The following PEX5L variants were observed in gnomAD, a reference collection of about 807,000 sequenced individuals.
PEX5L encodes the protein peroxisomal biogenesis factor 5 like, also known as PEX5-related protein.
In PEX5L, 30 loss-of-function variants were observed where a neutral mutation model predicts 84.0. The ratio of observed to expected loss-of-function variants is 0.36; its 90% CI spans 0.27 to 0.48. PEX5L has a LOEUF of 0.48. Among genes scored for constraint, PEX5L ranks in the 20% least tolerant of loss-of-function variants. The pLI, the probability that PEX5L is intolerant of heterozygous loss-of-function variation, is 0.99. For missense variants in PEX5L, 533 were observed against 754.6 expected (o/e 0.71, Z 3.44); for synonymous variants, 270 against 283.1 (o/e 0.95, Z 0.46).
rs1024479350 is a variant in PEX5L, at chr3:180,034,274, A to G, written c.21+2305T>C. 3.3e-5 allele frequency among the ~76,000 whole-genome samples: 5 copies of G among 152,218 alleles called. No individual in the cohort carries two copies. In the East Asian group the frequency reaches 9.6e-4, roughly 29 times the overall value. On this transcript the variant is annotated intron_variant, in intron 1 of 14. Coordinates refer to ENST00000467460, the MANE Select transcript of PEX5L (RefSeq NM_016559.3). ...TGTTTTAAGGTATCAGTCAAGTAAC[A>G]TTATGTTTCAAATTAACTCCAAAGC...
At position 179,980,159 on chromosome 3, in the gene PEX5L, A is replaced by G. The variant is rs527897267; in HGVS notation, c.22-8494T>C. Among the ~76,000 whole-genome samples the G allele has an allele frequency of 1.6e-3, 239 of 152,288 alleles. 2 individuals are homozygous for G. Among genetic ancestry groups the G allele is most frequent in the Middle Eastern group, 6.8e-3 (2 of 294 alleles). On this transcript the variant is annotated intron_variant, in intron 1 of 14. Transcript: ENST00000467460. ...ACACATGCTTGAGAAAAATTTGCCTATGAAATTTTGTTTCTGACAAGAATC... is the reference window on the plus strand; with the variant it reads ...ACACATGCTTGAGAAAAATTTGCCTGTGAAATTTTGTTTCTGACAAGAATC...
At chr3:179,817,072 T>C (rs1188861058) in intron 9 of PEX5L, among the ~76,000 whole-genome samples, 1 of 152,214 alleles carries the variant, frequency 6.6e-6, no homozygotes, top group Non-Finnish European at 1.5e-5. Context: ...TATATCTGTT[T>C]ACCTACTAGG....
At chr3:179,900,298 CTAT>C (rs1203475421) in intron 2 of PEX5L, among the ~76,000 whole-genome samples, 1 of 152,006 alleles carries the variant, frequency 6.6e-6, no homozygotes, top group African/African-American at 2.4e-5. Context: ...ATTTCAATTC[CTAT>C]TATATTTAAA....
intron 2 of PEX5L, among the ~76,000 whole-genome samples, chr3:179,922,927 A>G (rs752744973): frequency 2.6e-5 from 4 of 152,176 alleles, no homozygotes; most frequent in Non-Finnish European, 5.9e-5. Context: ...ATAGAAAATG[A>G]ATTATTTAAT....
chr3:179,873,132 C>G (rs905402794), intron 7 of PEX5L, among the ~76,000 whole-genome samples: 1 of 152,164 alleles, frequency 6.6e-6, no homozygotes, highest in Non-Finnish European at 1.5e-5. Context: ...TCCTACCTCT[C>G]TCTGCCACTT....
At chr3:179,972,152 A>G (rs942378596) in intron 1 of PEX5L, among the ~76,000 whole-genome samples, 2 of 152,188 alleles carry the variant, frequency 1.3e-5, no homozygotes, top group Non-Finnish European at 2.9e-5. Context: ...ACATTTGCTC[A>G]CAAGTCAGAT....
intron 3 of PEX5L, chr3:179,896,255 T>C (rs1759229967): frequency 6.6e-6 from 1 of 152,152 alleles, no homozygotes; most frequent in Non-Finnish European, 1.5e-5. Context: ...AATTCTGTAA[T>C]ACTATCAACA....
chr3:180,014,018 G>C (rs1789715183), intron 1 of PEX5L, among the ~76,000 whole-genome samples: 2 of 152,214 alleles, frequency 1.3e-5, no homozygotes, highest in African/African-American at 4.8e-5. Flanking sequence ...TGAAGGCATT[G>C]AGAAGTCTTG....
chr3:179,873,474 C>T (rs7616210), intron 7 of PEX5L, among the ~76,000 whole-genome samples: 139,298 of 152,170 alleles, frequency 0.92, 63,823 homozygotes, highest in South Asian at 0.97. Flanking sequence ...ATGATATCTT[C>T]GTGGTTTTAG....
chr3:180,013,665 G>A (rs1219498104), intron 1 of PEX5L, among the ~76,000 whole-genome samples: 3 of 152,186 alleles, frequency 2.0e-5, no homozygotes, highest in Non-Finnish European at 4.4e-5. Context: ...AGAACGCCTG[G>A]TATATGTAAG....
chr3:179,987,360 C>G (rs1189121595), intron 1 of PEX5L, among the ~76,000 whole-genome samples: 1 of 150,350 alleles, frequency 6.7e-6, no homozygotes, highest in Non-Finnish European at 1.5e-5. Context: ...AATGTGTAAA[C>G]AACTAAACAA....
At chr3:179,851,396 A>C (rs1741818165) in intron 8 of PEX5L, among the ~76,000 whole-genome samples, 1 of 152,048 alleles carries the variant, frequency 6.6e-6, no homozygotes, top group Non-Finnish European at 1.5e-5. Flanking sequence ...GGCATTTTCC[A>C]CCTTCATGAC....
intron 2 of PEX5L, among the ~76,000 whole-genome samples, chr3:179,959,946 T>A (rs1459258149): frequency 1.3e-5 from 2 of 152,260 alleles, no homozygotes; most frequent in Non-Finnish European, 2.9e-5. Flanking sequence ...TATAGCAAAA[T>A]TGTTTACATA....
rs758919084 is a variant in PEX5L, at chr3:179,802,050, CAT to C, written c.1677-20_1677-19del. 3 of 1,566,252 alleles carry C rather than the reference CAT, an allele frequency of 1.9e-6. No homozygotes were observed. The highest frequency in any genetic ancestry group is 2.6e-6 in the Non-Finnish European group (3 of 1,137,198). ...CCGCTTCTCTAAGAAGGTAGAAAAA[CAT>C]ATTTTAAAATGAGTCACATTTCAGA... is the stretch of plus-strand genomic sequence containing the variant. On this transcript the variant is annotated intron_variant, in intron 14 of 14. Transcript: ENST00000467460.
In PEX5L at chr3:179,887,408, T is replaced by C. The variant is rs894953911; in HGVS notation, c.310+265A>G. On this transcript the variant is annotated intron_variant, in intron 4 of 14. Transcript: ENST00000467460. Reference sequence around the variant, plus strand: ...AAGATTTTCTAATGTGATGAGACTTTAGATATAAATATGCAAATATGAAAA... The same window carrying C: ...AAGATTTTCTAATGTGATGAGACTTCAGATATAAATATGCAAATATGAAAA... 2.0e-5 allele frequency among the ~76,000 whole-genome samples: 3 copies of C among 152,254 alleles called. No individual in the cohort carries two copies. The East Asian group carries it at 5.8e-4, about 29-fold the overall frequency.
rs1165496872 is a variant in PEX5L at position 179,795,533 on chromosome 3, C to T, written c.*6295G>A. 6.6e-6 allele frequency: 1 copy of T among 152,170 alleles called. No homozygotes were observed. Among genetic ancestry groups the T allele is most frequent in the African/African-American group, 2.4e-5 (1 of 41,436 alleles). The allele number at this position is 152,170 out of a possible 1,614,324, so 9.4% of individuals were successfully genotyped here. A position where few individuals can be genotyped will look rare whatever the true frequency, so the allele number is the denominator to read the frequency against. ...ATATTATTTCACTAAATCACTGATA[C>T]AGTATCACATAATATGCCAATCACT... On this transcript the variant is annotated 3_prime_UTR_variant, in exon 15 of 15. Transcript: ENST00000467460.
chr3:179,918,674 G>A lies in PEX5L; in HGVS notation c.94-20428C>T, dbSNP rs146797555. Among the ~76,000 whole-genome samples the A allele has an allele frequency of 5.3e-5, 8 of 152,318 alleles. No homozygotes were observed. In the East Asian group the frequency reaches 1.5e-3, roughly 29 times the overall value. ...GGAATAATGACACCCATTTCACAGTGTTGTAGCCAAAGAACCCAGTGCAGG... is the reference window on the plus strand; with the variant it reads ...GGAATAATGACACCCATTTCACAGTATTGTAGCCAAAGAACCCAGTGCAGG... On this transcript the variant is annotated intron_variant, in intron 2 of 14. Coordinates refer to ENST00000467460, the MANE Select transcript of PEX5L (RefSeq NM_016559.3).
At chr3:180,010,549 G>A (rs2339932) in intron 1 of PEX5L, among the ~76,000 whole-genome samples, 55,864 of 151,600 alleles carry the variant, frequency 0.37, 13,213 homozygotes, top group African/African-American at 0.69. Flanking sequence ...CTGAGAAAAT[G>A]TAACACGTTT....
chr3:179,924,914 A>G (rs909381930), intron 2 of PEX5L, among the ~76,000 whole-genome samples: 4 of 152,364 alleles, frequency 2.6e-5, no homozygotes, highest in Non-Finnish European at 5.9e-5. Context: ...CAAAGTAAGA[A>G]GAAAGCAATC....
Sources: allele counts gnomAD v4.1 joint callset (sites outside exome capture counted in the v4.1 genomes callset), GRCh38; gene constraint gnomAD v4.1.1; transcripts MANE v1.5; gene names NCBI Gene and HGNC (gene_info 2026-07-23, HGNC 2026-07-21).